GRM7: variants seen among roughly 807,000 people sequenced by gnomAD.
GRM7 encodes the protein glutamate metabotropic receptor 7.
Under a neutral mutation model 84.5 loss-of-function variants are expected in GRM7, and 35 were observed. The observed-to-expected ratio is 0.41, with a 90% CI of 0.32 to 0.55. GRM7 has a LOEUF of 0.55. Ranked by LOEUF, GRM7 falls within the 20% of genes least tolerant of loss-of-function variation. GRM7 has a pLI of 0.19. For synonymous variants in GRM7, 487 were observed against 455.1 expected (o/e 1.07, Z -0.89); for missense variants, 1,003 against 1,194.6 (o/e 0.84, Z 2.36).
intron 1 of GRM7, among the ~76,000 whole-genome samples, chr3:7,060,793 G>C: frequency 6.6e-6 from 1 of 151,856 alleles, no homozygotes; most frequent in South Asian, 2.1e-4. Context: ...GTTGAGAAAG[G>C]TAGGAAAGAA....
chr3:7,545,036 A>G lies in GRM7; in HGVS notation c.1516-33386A>G, dbSNP rs1693078602. On this transcript the variant is annotated intron_variant, in intron 7 of 9. Coordinates refer to ENST00000357716, the MANE Select transcript of GRM7 (RefSeq NM_000844.4). ...CAGTATCCTTAGCACATGGCACATA[A>G]GAAATGCAGTGGTATTTATTGGATG... is the stretch of plus-strand genomic sequence containing the variant. Among the ~76,000 whole-genome samples the G allele has an allele frequency of 2.0e-5, 3 of 152,254 alleles. No individual in the cohort carries two copies. In the South Asian group the frequency reaches 6.2e-4, roughly 31 times the overall value.
chr3:7,565,314 T>C (rs1694209766), intron 7 of GRM7, among the ~76,000 whole-genome samples: 1 of 152,146 alleles, frequency 6.6e-6, no homozygotes, highest in Admixed American at 6.5e-5. Context: ...ATTACAATAG[T>C]GGACAAAGAG....
intron 7 of GRM7, among the ~76,000 whole-genome samples, chr3:7,564,701 A>T (rs866374525): frequency 1.3e-5 from 2 of 152,204 alleles, no homozygotes; most frequent in South Asian, 4.1e-4. Context: ...TGTCTCAGGC[A>T]TCATGCTATT....
intron 1 of GRM7, among the ~76,000 whole-genome samples, chr3:7,009,991 A>G (rs1010146876): frequency 6.6e-6 from 1 of 152,250 alleles, no homozygotes; most frequent in Admixed American, 6.5e-5. Context: ...TAAACTTGGC[A>G]TTAATAACAA....
intron 5 of GRM7, among the ~76,000 whole-genome samples, chr3:7,416,747 C>A (rs2125183154): frequency 6.6e-6 from 1 of 152,082 alleles, no homozygotes; most frequent in East Asian, 1.9e-4. Flanking sequence ...GAGATATGGT[C>A]CCTAGAATAG....
chr3:7,334,032 A>G (rs1163325842), intron 4 of GRM7, among the ~76,000 whole-genome samples: 1 of 152,262 alleles, frequency 6.6e-6, no homozygotes, highest in South Asian at 2.1e-4. Flanking sequence ...TGGAAAATGT[A>G]TTTAAGGGAA....
In GRM7 at chr3:7,315,491, C is replaced by T. The variant is rs550438585; in HGVS notation, c.1033+8839C>T. Among the ~76,000 whole-genome samples, 3 of 152,284 alleles carry T rather than the reference C, an allele frequency of 2.0e-5. No homozygotes were observed. In the East Asian group the frequency reaches 5.8e-4, roughly 29 times the overall value. Reference sequence around the variant, plus strand: ...CACCTCACAGTGTTTTCTAGCAATGCCTCCCTATTCTCCACCCTGAGAAGT... The same window carrying T: ...CACCTCACAGTGTTTTCTAGCAATGTCTCCCTATTCTCCACCCTGAGAAGT... On this transcript the variant is annotated intron_variant, in intron 4 of 9. Transcript: ENST00000357716.
intron 1 of GRM7, among the ~76,000 whole-genome samples, chr3:6,879,241 G>A (rs1380046056): frequency 7.2e-5 from 11 of 152,120 alleles, no homozygotes; most frequent in African/African-American, 2.2e-4. Context: ...AATCTAGAAA[G>A]TCTGATTCCA....
chr3:7,713,795 CTTTTTT>C (rs60007117), intron 9 of GRM7, among the ~76,000 whole-genome samples: 32 of 64,750 alleles, frequency 4.9e-4, no homozygotes, highest in African/African-American at 1.5e-3. Flanking sequence ...CGGATGCTTT[CTTTTTT>C]TTTTTTTTTT....
intron 1 of GRM7, among the ~76,000 whole-genome samples, chr3:6,958,597 A>C (rs1202906023): frequency 6.6e-6 from 1 of 152,194 alleles, no homozygotes; most frequent in Non-Finnish European, 1.5e-5. Context: ...TGGTCATTGA[A>C]TAAATGGCAG....
At chr3:7,625,876 G>C (rs553989973) in intron 8 of GRM7, among the ~76,000 whole-genome samples, 8 of 152,262 alleles carry the variant, frequency 5.3e-5, no homozygotes, top group African/African-American at 1.9e-4. Flanking sequence ...GCATTTTGCT[G>C]AAGATATCAG....
At chr3:7,018,015 T>A (rs545636577) in intron 1 of GRM7, among the ~76,000 whole-genome samples, 1 of 152,280 alleles carries the variant, frequency 6.6e-6, no homozygotes, top group East Asian at 1.9e-4. Context: ...TCCATAAAGT[T>A]GAAGAAAGCA....
intron 4 of GRM7, among the ~76,000 whole-genome samples, chr3:7,349,721 CAA>C (rs1469033087): frequency 2.0e-5 from 3 of 152,104 alleles, no homozygotes; most frequent in Admixed American, 2.0e-4. Flanking sequence ...TTACCAATAA[CAA>C]GATTCAAACA....
At chr3:7,113,648 GT>G (rs765371683) in intron 1 of GRM7, among the ~76,000 whole-genome samples, 65 of 152,092 alleles carry the variant, frequency 4.3e-4, no homozygotes, top group Admixed American at 3.5e-3. Flanking sequence ...TATTTGCAGT[GT>G]TTTTTATTTT....
intron 2 of GRM7, 23 bp from the exon 3 acceptor site, chr3:7,298,661 C>A (rs191934789): frequency 6.2e-7 from 1 of 1,604,288 alleles, no homozygotes; most frequent in Middle Eastern, 1.7e-4. Flanking sequence ...ATTATTGACA[C>A]TATGTTTTCT....
At chr3:7,468,105 C>T (rs1698536537) in intron 7 of GRM7, among the ~76,000 whole-genome samples, 2 of 152,206 alleles carry the variant, frequency 1.3e-5, no homozygotes, top group Admixed American at 6.5e-5. Flanking sequence ...CTGCTAATCA[C>T]TCTATTGTTT....
intron 2 of GRM7, among the ~76,000 whole-genome samples, chr3:7,204,003 A>T (rs1408565600): frequency 6.6e-6 from 1 of 152,228 alleles, no homozygotes; most frequent in African/African-American, 2.4e-5. Context: ...GTGATAGCTG[A>T]GATATAATAT....
chr3:7,639,991 T>G lies in GRM7; in HGVS notation c.2452-40058T>G, dbSNP rs541475906. 9.5e-4 allele frequency among the ~76,000 whole-genome samples: 144 copies of G among 152,308 alleles called. 1 individual carries two copies. The South Asian group carries it at 0.014, about 15-fold the overall frequency. ...TGTCTGTATAATTATACTCAATTTA[T>G]TTTTTGAGATTCAATCATGTCATAG... On this transcript the variant is annotated intron_variant, in intron 8 of 9. Transcript: ENST00000357716.
intron 1 of GRM7, among the ~76,000 whole-genome samples, chr3:7,090,220 G>A (rs1392534562): frequency 2.0e-5 from 3 of 152,220 alleles, no homozygotes; most frequent in Non-Finnish European, 2.9e-5. Flanking sequence ...CATGTGGTAA[G>A]TAGAATTTGA....
Sources: allele counts gnomAD v4.1 joint callset (sites outside exome capture counted in the v4.1 genomes callset), GRCh38; gene constraint gnomAD v4.1.1; transcripts MANE v1.5; gene names NCBI Gene and HGNC (gene_info 2026-07-23, HGNC 2026-07-21).